Variants in PDZRN3 observed in about 807,000 individuals in gnomAD.
The protein encoded by PDZRN3 is PDZ domain containing ring finger 3.
In PDZRN3, 38 loss-of-function variants were observed where a neutral mutation model predicts 85.7. The ratio of observed to expected loss-of-function variants is 0.44; its 90% CI spans 0.34 to 0.58. The LOEUF (loss-of-function observed/expected upper bound fraction) is 0.58. PDZRN3 is among the 20% of genes least tolerant of loss of function. PDZRN3 has a pLI of 0.01. For missense variants in PDZRN3, 1,629 were observed against 1,506.4 expected (o/e 1.08, Z -1.35); for synonymous variants, 759 against 638.0 (o/e 1.19, Z -2.86).
intron 3 of PDZRN3, among the ~76,000 whole-genome samples, chr3:73,554,374 A>G (rs1701640059): frequency 6.8e-6 from 1 of 146,304 alleles, no homozygotes; most frequent in African/African-American, 2.7e-5. Context: ...ACACACACAC[A>G]CACACACACA....
intron 2 of PDZRN3, among the ~76,000 whole-genome samples, chr3:73,606,885 T>C (rs978875405): frequency 4.6e-5 from 7 of 152,246 alleles, no homozygotes; most frequent in African/African-American, 1.4e-4. Flanking sequence ...TCTCTTTGTG[T>C]CATTCCCTTC....
At chr3:73,518,327 G>A (rs1285140767) in intron 3 of PDZRN3, among the ~76,000 whole-genome samples, 3 of 152,182 alleles carry the variant, frequency 2.0e-5, no homozygotes, top group African/African-American at 7.2e-5. Context: ...GAAGGAGAAT[G>A]GTGGTTGCCA....
chr3:73,398,672 C>T (rs1368394105), intron 5 of PDZRN3, among the ~76,000 whole-genome samples: 2 of 152,216 alleles, frequency 1.3e-5, no homozygotes. Context: ...CTGGGCTAGT[C>T]TTAACACTTC....
At chr3:73,560,019 C>T (rs1411503050) in intron 3 of PDZRN3, among the ~76,000 whole-genome samples, 2 of 152,220 alleles carry the variant, frequency 1.3e-5, no homozygotes, top group East Asian at 3.8e-4. Context: ...ATGTAATTAG[C>T]ATGGGTTATG....
In PDZRN3 at chr3:73,464,756, T is replaced by C. The variant is rs545113093; in HGVS notation, c.919-60361A>G. On this transcript the variant is annotated intron_variant, in intron 3 of 9. Transcript: ENST00000263666. ...CTAAATTTTTTATTGACAGATAAGA[T>C]TGTATGCATTTATCATGTATGACAT... 6.3e-4 allele frequency among the ~76,000 whole-genome samples: 96 copies of C among 152,338 alleles called. 1 individual carries two copies. Among genetic ancestry groups the C allele is most frequent in the Non-Finnish European group, 1.0e-3 (69 of 68,036 alleles).
chr3:73,389,730 A>G (rs1386931237), intron 7 of PDZRN3, 86 bp downstream of exon 7: 6 of 991,922 alleles, frequency 6.0e-6, no homozygotes, highest in Non-Finnish European at 9.7e-6. Flanking sequence ...CCGCTTCTGC[A>G]TTTTCAACCC....
chr3:73,562,994 TA>T (rs1701855504), intron 3 of PDZRN3, among the ~76,000 whole-genome samples: 1 of 27,682 alleles, frequency 3.6e-5, no homozygotes, highest in African/African-American at 1.7e-4. Context: ...TATATATATA[TA>T]TATATATATA....
rs907268387 is a variant in PDZRN3, at chr3:73,408,233, T to A, written c.919-3838A>T. 2.0e-5 allele frequency: 14 copies of A among 702,870 alleles called. No homozygotes were observed. In the African/African-American group the frequency reaches 2.4e-4, roughly 12 times the overall value. 43.5% of individuals were successfully genotyped at this position (702,870 alleles called of 1,614,324 possible). A position where few individuals can be genotyped will look rare whatever the true frequency, so the allele number is the denominator to read the frequency against. On this transcript the variant is annotated intron_variant, in intron 3 of 9. Transcript: ENST00000263666. ...TCCTGGCTGTGGGCTTTGGGCAATT[T>A]AACTGTTCTCAGTTCCAGTTTTCTC...
Position 73,383,736 on chromosome 3 carries a change from G to T in PDZRN3, c.2830C>A (p.Arg944=), listed in dbSNP as rs750997558. 2 of 1,611,896 alleles carry T rather than the reference G, an allele frequency of 1.2e-6. No homozygotes were observed. Among genetic ancestry groups the T allele is most frequent in the Non-Finnish European group, 1.7e-6 (2 of 1,179,950 alleles). Residue 944 remains arginine (R), a synonymous_variant, in exon 10 of 10, where the codon CGG becomes AGG. Coordinates refer to ENST00000263666, the MANE Select transcript of PDZRN3 (RefSeq NM_015009.3). ...TCCCGGATCTTCAGGGCGCGCTCCC[G>T]CAGCAGGCGGTCCCGCACGGGCCTC... is the stretch of plus-strand genomic sequence containing the variant. ...TKRPVRDRLL[R]ERALKIREER...
At chr3:73,580,315 A>G (rs915264343) in intron 3 of PDZRN3, among the ~76,000 whole-genome samples, 1 of 152,242 alleles carries the variant, frequency 6.6e-6, no homozygotes, top group African/African-American at 2.4e-5. Context: ...ATGAAGATCC[A>G]TAACTTTCCT....
chr3:73,384,711 G>A lies in PDZRN3; in HGVS notation c.1855C>T (p.Pro619Ser). The change falls in exon 10 of 10, where the codon CCC becomes TCC. Residue 619 changes from proline to serine, a missense_variant. Transcript: ENST00000263666. Reference protein sequence around the residue: ...SQDTLGSGDLPFSNESFISAD... With the variant: ...SQDTLGSGDLSFSNESFISAD... ...GAAATGAAAGACTCGTTGCTGAAGG[G>A]CAGGTCGCCGCTGCCCAAGGTGTCC... The A allele has an allele frequency of 6.2e-7, 1 of 1,614,018 alleles. No individual in the cohort carries two copies.
chr3:73,438,855 G>T (rs1702580206), intron 3 of PDZRN3, among the ~76,000 whole-genome samples: 1 of 152,218 alleles, frequency 6.6e-6, no homozygotes, highest in African/African-American at 2.4e-5. Context: ...CTCTTAGTCT[G>T]CCCAGCCTCA....
At chr3:73,498,338 T>C (rs534377104) in intron 3 of PDZRN3, among the ~76,000 whole-genome samples, 2 of 152,256 alleles carry the variant, frequency 1.3e-5, no homozygotes, top group East Asian at 3.9e-4. Context: ...GTGGTTAGTG[T>C]TGGGGGACAG....
At chr3:73,578,075 C>A (rs1002109675) in intron 3 of PDZRN3, among the ~76,000 whole-genome samples, 3 of 152,182 alleles carry the variant, frequency 2.0e-5, no homozygotes, top group Non-Finnish European at 2.9e-5. Context: ...TGAAAATCGT[C>A]CTTTTACTAA....
chr3:73,393,800 A>G (rs1000949152), intron 5 of PDZRN3, among the ~76,000 whole-genome samples: 1 of 152,234 alleles, frequency 6.6e-6, no homozygotes, highest in Non-Finnish European at 1.5e-5. Context: ...GTTATGTAGA[A>G]AACGATTAGA....
At chr3:73,424,621 G>C (rs1289912839) in intron 3 of PDZRN3, among the ~76,000 whole-genome samples, 2 of 151,796 alleles carry the variant, frequency 1.3e-5, no homozygotes, top group Non-Finnish European at 2.9e-5. Context: ...ACATCAGAGG[G>C]GTTGGTATCC....
chr3:73,386,533 A>T (rs963454786), intron 8 of PDZRN3, among the ~76,000 whole-genome samples: 34 of 152,210 alleles, frequency 2.2e-4, no homozygotes, highest in African/African-American at 8.0e-4. Flanking sequence ...CCTTGCCCAA[A>T]AAAGAGTGAA....
chr3:73,484,148 C>T (rs145005605), intron 3 of PDZRN3, among the ~76,000 whole-genome samples: 272 of 152,052 alleles, frequency 1.8e-3, no homozygotes, highest in Non-Finnish European at 3.0e-3. Flanking sequence ...GAATTGACAG[C>T]GGGTGTGTGA....
intron 3 of PDZRN3, among the ~76,000 whole-genome samples, chr3:73,470,559 G>A (rs766934556): frequency 4.6e-5 from 7 of 152,190 alleles, no homozygotes; most frequent in East Asian, 3.8e-4. Flanking sequence ...ACTTTCCAAA[G>A]CCTAATGCTC....
Sources: gnomAD v4.1 joint callset for allele counts (sites outside exome capture counted in the v4.1 genomes callset) on GRCh38, gnomAD v4.1.1 for gene constraint, MANE v1.5 for transcripts, NCBI Gene and HGNC (gene_info 2026-07-23, HGNC 2026-07-21) for gene names.